Variants in CDCP1 observed in about 807,000 individuals in gnomAD.
CDCP1 encodes the protein CUB domain containing protein 1.
Under a neutral mutation model 60.2 loss-of-function variants are expected in CDCP1, and 29 were observed. The observed-to-expected ratio is 0.48, with a 90% CI of 0.36 to 0.66. CDCP1 has a LOEUF of 0.66. Ranked by LOEUF, CDCP1 falls within the 30% of genes least tolerant of loss-of-function variation. The pLI is 0.00. For missense variants in CDCP1, 876 were observed against 1,074.3 expected (o/e 0.82, Z 2.58); for synonymous variants, 387 against 431.1 (o/e 0.90, Z 1.27).
At chr3:45,112,620 C>T (rs1559394424) in intron 2 of CDCP1, among the ~76,000 whole-genome samples, 175 bp from the exon 3 acceptor site, 1 of 152,258 alleles carries the variant, frequency 6.6e-6, no homozygotes, top group Admixed American at 6.5e-5. Context: ...CAATGGCTCA[C>T]AGATGTACCC....
intron 5 of CDCP1, among the ~76,000 whole-genome samples, chr3:45,094,799 C>T (rs1367648035): frequency 2.0e-5 from 3 of 151,992 alleles, no homozygotes; most frequent in Non-Finnish European, 4.4e-5. Context: ...GAAGGCTGGG[C>T]AGAGAGACAT....
chr3:45,137,994 G>T (rs1699218232), intron 1 of CDCP1, among the ~76,000 whole-genome samples: 1 of 152,164 alleles, frequency 6.6e-6, no homozygotes, highest in Non-Finnish European at 1.5e-5. Context: ...TCTAGCTCTA[G>T]TTTCACAGAC....
Position 45,085,740 on chromosome 3 carries a change from A to G in CDCP1, c.2409T>C (p.Ser803=). 1.2e-6 allele frequency: 2 copies of G among 1,613,988 alleles called. No individual in the cohort carries two copies. Among genetic ancestry groups the G allele is most frequent in the Non-Finnish European group, 1.7e-6 (2 of 1,179,984 alleles). The change falls in exon 9 of 9, where the codon AGT becomes AGC. Residue 803 remains serine, a synonymous_variant. Transcript: ENST00000296129. This position sits in a 1 kb window ranked among gnomAD's most constrained non-coding sequence, Gnocchi z 4.2. ...TGGGATGGGAGAAGGTGTACGGTTC[A>G]CTCTCAGACTCAGGAGGGGAGCGAG... ...PPPRSPPESE[S]EPYTFSHPNN... is the part of the protein sequence containing the mutation.
intron 4 of CDCP1, among the ~76,000 whole-genome samples, chr3:45,100,587 C>G (rs892901718): frequency 6.6e-6 from 1 of 152,296 alleles, no homozygotes; most frequent in East Asian, 1.9e-4. Flanking sequence ...CAGTTACCAC[C>G]TTTCTACTCT....
At chr3:45,141,469 C>A (rs1699289485) in intron 1 of CDCP1, among the ~76,000 whole-genome samples, 1 of 152,214 alleles carries the variant, frequency 6.6e-6, no homozygotes, top group Admixed American at 6.5e-5. Context: ...CTTTTTCCCA[C>A]ATAAAATAAT....
At chr3:45,137,926 C>T (rs1052044585) in intron 1 of CDCP1, among the ~76,000 whole-genome samples, 11 of 152,128 alleles carry the variant, frequency 7.2e-5, no homozygotes, top group Non-Finnish European at 1.2e-4. Flanking sequence ...CAGAGTAATC[C>T]TCCATCTCTC....
chr3:45,126,171 T>TTTCTTTCTTTCTTTCTTTCTTTCC (rs1252108024), intron 1 of CDCP1, among the ~76,000 whole-genome samples: 38 of 140,032 alleles, frequency 2.7e-4, no homozygotes, highest in East Asian at 2.5e-3. Context: ...TCTTTCTTTC[T>TTTCTTTCTTTCTTTCTTTCTTTCC]TTCCTTCTTT....
intron 1 of CDCP1, among the ~76,000 whole-genome samples, chr3:45,141,569 A>G (rs1027451847): frequency 6.6e-6 from 1 of 152,242 alleles, no homozygotes; most frequent in Non-Finnish European, 1.5e-5. Context: ...GCTTATTTGT[A>G]AAATCCTCAG....
chr3:45,083,485 GGAA>G lies in CDCP1; in HGVS notation c.*2150_*2152del, dbSNP rs1698136393. On this transcript the variant is annotated 3_prime_UTR_variant, in exon 9 of 9. Transcript: ENST00000296129. ...CAATGAAGTACATTTATTTTTTGAA[GGAA>G]GTTTTTGCCGCAGAAATATTGAACT... The G allele has an allele frequency of 6.6e-6, 1 of 152,198 alleles. No individual in the cohort carries two copies. The highest frequency in any genetic ancestry group is 1.5e-5 in the Non-Finnish European group (1 of 68,044). The allele number at this position is 152,198 out of a possible 1,614,324, so 9.4% of individuals were successfully genotyped here. A position where few individuals can be genotyped will look rare whatever the true frequency, so the allele number is the denominator to read the frequency against.
At chr3:45,093,828 C>A (rs554919988) in intron 5 of CDCP1, among the ~76,000 whole-genome samples, 171 bp from the exon 6 acceptor site, 1 of 152,168 alleles carries the variant, frequency 6.6e-6, no homozygotes, top group African/African-American at 2.4e-5. Flanking sequence ...CCTTTTCTAG[C>A]GGTCCCTCTG....
rs1409079443 is a variant in CDCP1, at chr3:45,083,063, G to A, written c.*2575C>T. On this transcript the variant is annotated 3_prime_UTR_variant, in exon 9 of 9. Coordinates refer to ENST00000296129, the MANE Select transcript of CDCP1 (RefSeq NM_022842.5). ...GATGGTGACAAGTAGCCAGCCTAAG[G>A]AAGGCCAATCCCACCTTGGGTGGAA... The A allele has an allele frequency of 6.6e-6, 1 of 152,232 alleles. No individual in the cohort carries two copies. The highest frequency in any genetic ancestry group is 2.4e-5 in the African/African-American group (1 of 41,462). The allele number at this position is 152,232 out of a possible 1,614,324, so 9.4% of individuals were successfully genotyped here. A position where few individuals can be genotyped will look rare whatever the true frequency, so the allele number is the denominator to read the frequency against.
intron 4 of CDCP1, among the ~76,000 whole-genome samples, chr3:45,098,178 G>T (rs767106720): frequency 2.2e-5 from 3 of 134,626 alleles, no homozygotes; most frequent in Non-Finnish European, 4.7e-5. Flanking sequence ...TTAAAGCAGA[G>T]ATTCTCAGCC....
At chr3:45,111,184 A>G (rs542564072) in intron 3 of CDCP1, among the ~76,000 whole-genome samples, 9 of 152,318 alleles carry the variant, frequency 5.9e-5, no homozygotes, top group African/African-American at 2.2e-4. Context: ...GCACACCTTT[A>G]TATTATTCCC....
At chr3:45,137,320 T>C (rs1014574419) in intron 1 of CDCP1, among the ~76,000 whole-genome samples, 4 of 152,178 alleles carry the variant, frequency 2.6e-5, no homozygotes, top group African/African-American at 9.7e-5. Flanking sequence ...CTCTAGCAAC[T>C]AGGGCAAGGA....
At chr3:45,110,139 G>T in intron 4 of CDCP1, 2 of 1,047,024 alleles carry the variant, frequency 1.9e-6, no homozygotes, top group Non-Finnish European at 2.4e-6. Flanking sequence ...CATCATCATC[G>T]CTGATGGTGC....
chr3:45,125,295 G>A (rs1296035019), intron 1 of CDCP1, among the ~76,000 whole-genome samples: 3 of 152,192 alleles, frequency 2.0e-5, no homozygotes, highest in Non-Finnish European at 4.4e-5. Context: ...GTTGGCCACG[G>A]AGTTTGGGCT....
At chr3:45,107,697 C>T (rs533332492) in intron 4 of CDCP1, among the ~76,000 whole-genome samples, 2 of 152,268 alleles carry the variant, frequency 1.3e-5, no homozygotes, top group Admixed American at 6.5e-5. Flanking sequence ...AGTGACTTGC[C>T]CATGGTCAAA....
At chr3:45,134,686 T>G (rs111376864) in intron 1 of CDCP1, among the ~76,000 whole-genome samples, 4,519 of 152,268 alleles carry the variant, frequency 0.03, 84 homozygotes, top group Middle Eastern at 0.095. Flanking sequence ...AATGAAGCCC[T>G]TGCAAGCGAC....
chr3:45,118,270 G>C, intron 2 of CDCP1, 142 bp downstream of exon 2: 1 of 661,484 alleles, frequency 1.5e-6, no homozygotes, highest in South Asian at 1.9e-5. Flanking sequence ...GGCCACATCA[G>C]AGCTAAATTA....
Sources: gnomAD v4.1 joint callset for allele counts (sites outside exome capture counted in the v4.1 genomes callset) on GRCh38, gnomAD v4.1.1 for gene constraint, Gnocchi (gnomAD v3.1) non-coding constraint, MANE v1.5 for transcripts, NCBI Gene and HGNC (gene_info 2026-07-23, HGNC 2026-07-21) for gene names.